PAPPA: variants seen among roughly 807,000 people sequenced by gnomAD.
The protein encoded by PAPPA is pappalysin 1.
In PAPPA, 60 loss-of-function variants were observed where a neutral mutation model predicts 164.0. The observed-to-expected ratio is 0.37, with a 90% CI of 0.30 to 0.45. The LOEUF (loss-of-function observed/expected upper bound fraction) is 0.45, where lower values mean the gene tolerates loss of function less well. Among genes scored for constraint, PAPPA ranks in the 20% least tolerant of loss-of-function variants. The pLI, the probability that PAPPA is intolerant of heterozygous loss-of-function variation, is 1.00. For synonymous variants in PAPPA, 875 were observed against 814.1 expected, an observed-to-expected ratio of 1.07 and a Z score of -1.27; for missense variants, 1,782 against 2,087.3, an observed-to-expected ratio of 0.85 and a Z score of 2.85.
rs577610562 is a variant in PAPPA at position 116,283,230 on chromosome 9, T to C, written c.2953+11814T>C. Reference sequence around the variant, plus strand: ...AGGGTTAAGCAGCAGAAACCTTTGTTAGAGGGCTGCAGAAGACAGTGGTCA... The same window carrying C: ...AGGGTTAAGCAGCAGAAACCTTTGTCAGAGGGCTGCAGAAGACAGTGGTCA... On this transcript the variant is annotated intron_variant, in intron 9 of 21. Coordinates refer to ENST00000328252, the MANE Select transcript of PAPPA (RefSeq NM_002581.5). Among the ~76,000 whole-genome samples, 4 of 152,246 alleles carry C rather than the reference T, an allele frequency of 2.6e-5. No individual in the cohort carries two copies. The East Asian group carries it at 7.7e-4, about 29-fold the overall frequency.
At chr9:116,361,521 G>A (rs928338147) in intron 17 of PAPPA, among the ~76,000 whole-genome samples, 2 of 152,100 alleles carry the variant, frequency 1.3e-5, no homozygotes, top group African/African-American at 4.8e-5. Flanking sequence ...ATTTGCACAC[G>A]CCCTTCCATC....
At position 116,237,773 on chromosome 9, in the gene PAPPA, G is replaced by A. The variant is rs1025995424; in HGVS notation, c.2732+2136G>A. Among the ~76,000 whole-genome samples the A allele has an allele frequency of 1.3e-4, 19 of 151,478 alleles. 3 individuals carry two copies. Among genetic ancestry groups the A allele is most frequent in the Admixed American group, 1.2e-3 (18 of 15,208 alleles). On this transcript the variant is annotated intron_variant, in intron 7 of 21. Coordinates refer to ENST00000328252, the MANE Select transcript of PAPPA (RefSeq NM_002581.5). ...CTTGCACTCTTGCCCAGGTTGGAGTGCAGTGGTGTGATCTTGGCTCGCTGC... is the reference window on the plus strand; with the variant it reads ...CTTGCACTCTTGCCCAGGTTGGAGTACAGTGGTGTGATCTTGGCTCGCTGC...
chr9:116,159,216 A>G (rs1843636688), intron 1 of PAPPA, among the ~76,000 whole-genome samples: 1 of 152,242 alleles, frequency 6.6e-6, no homozygotes, highest in South Asian at 2.1e-4. Flanking sequence ...ACTTATCTGT[A>G]AAGTGGGCAT....
At chr9:116,348,183 C>A (rs1846236151) in intron 15 of PAPPA, among the ~76,000 whole-genome samples, 1 of 151,796 alleles carries the variant, frequency 6.6e-6, no homozygotes, top group Non-Finnish European at 1.5e-5. Flanking sequence ...CTCTCTATTT[C>A]CATATTGATC....
At chr9:116,345,975 C>A (rs763455666) in intron 14 of PAPPA, among the ~76,000 whole-genome samples, 35 of 152,148 alleles carry the variant, frequency 2.3e-4, no homozygotes, top group Non-Finnish European at 4.4e-4. Flanking sequence ...CTGGGAATGC[C>A]TATTTGTACA....
intron 1 of PAPPA, among the ~76,000 whole-genome samples, chr9:116,162,268 A>G (rs1843677272): frequency 6.6e-6 from 1 of 152,192 alleles, no homozygotes; most frequent in African/African-American, 2.4e-5. Context: ...CCTGTTTATG[A>G]GAATTTCATG....
chr9:116,337,195 G>A (rs1846072133), intron 13 of PAPPA, among the ~76,000 whole-genome samples: 1 of 152,132 alleles, frequency 6.6e-6, no homozygotes, highest in Non-Finnish European at 1.5e-5. Context: ...CTCTGAGTAA[G>A]GGGATGGAGC....
intron 9 of PAPPA, among the ~76,000 whole-genome samples, chr9:116,289,853 T>C (rs1285737238): frequency 6.6e-6 from 1 of 152,206 alleles, no homozygotes; most frequent in African/African-American, 2.4e-5. Context: ...GATCATGCTA[T>C]GAAGGGAATA....
chr9:116,346,373 C>T (rs888279273), intron 14 of PAPPA, among the ~76,000 whole-genome samples: 4 of 152,020 alleles, frequency 2.6e-5, no homozygotes, highest in East Asian at 1.9e-4. Context: ...ACTATTGAGC[C>T]GCCAAATCTG....
At chr9:116,319,649 T>C (rs932651474) in intron 10 of PAPPA, among the ~76,000 whole-genome samples, 7 of 152,174 alleles carry the variant, frequency 4.6e-5, no homozygotes, top group Non-Finnish European at 8.8e-5. Flanking sequence ...CTCATTAAGA[T>C]CAGCATGTAC....
intron 2 of PAPPA, among the ~76,000 whole-genome samples, chr9:116,199,934 C>T (rs769478951): frequency 1.3e-5 from 2 of 152,018 alleles, no homozygotes; most frequent in Non-Finnish European, 2.9e-5. Context: ...CGACTCTCAC[C>T]GGAATTAGTA....
intron 8 of PAPPA, among the ~76,000 whole-genome samples, chr9:116,269,467 A>G (rs1464277346): frequency 6.6e-6 from 1 of 152,174 alleles, no homozygotes; most frequent in African/African-American, 2.4e-5. Context: ...TTCCTTTGGC[A>G]AATTACAGCC....
intron 17 of PAPPA, among the ~76,000 whole-genome samples, chr9:116,357,417 G>T (rs752335524): frequency 4.1e-4 from 62 of 152,152 alleles, no homozygotes; most frequent in Non-Finnish European, 8.1e-4. Flanking sequence ...TGTCAAATGT[G>T]TGCCAAGCTG....
At chr9:116,341,168 G>A (rs1846132410) in intron 13 of PAPPA, among the ~76,000 whole-genome samples, 1 of 152,006 alleles carries the variant, frequency 6.6e-6, no homozygotes, top group Non-Finnish European at 1.5e-5. Flanking sequence ...AGCCTCCCAA[G>A]TAGCTGGGAT....
chr9:116,199,493 C>T (rs1348975899), intron 2 of PAPPA, among the ~76,000 whole-genome samples: 1 of 152,102 alleles, frequency 6.6e-6, no homozygotes, highest in Non-Finnish European at 1.5e-5. Flanking sequence ...GAGACACTGC[C>T]AATGCCTCCT....
chr9:116,390,603 G>A (rs1846877148), intron 21 of PAPPA, among the ~76,000 whole-genome samples: 1 of 152,114 alleles, frequency 6.6e-6, no homozygotes, highest in African/African-American at 2.4e-5. Flanking sequence ...GGATTAGTAA[G>A]AGACAACAAG....
At chr9:116,228,103 A>G (rs1041090654) in intron 6 of PAPPA, among the ~76,000 whole-genome samples, 1 of 152,198 alleles carries the variant, frequency 6.6e-6, no homozygotes, top group East Asian at 1.9e-4. Context: ...GGTTCCACCC[A>G]CTATCAGACT....
At position 116,154,463 on chromosome 9, in the gene PAPPA, C is replaced by G; in HGVS notation, c.291C>G (p.Leu97=). 1.2e-5 allele frequency: 16 copies of G among 1,292,332 alleles called. No individual in the cohort carries two copies. Among genetic ancestry groups the G allele is most frequent in the Non-Finnish European group, 1.6e-5 (16 of 1,020,502 alleles). The allele number at this position is 1,292,332 out of a possible 1,614,324, so 80.1% of individuals were successfully genotyped here. A position where few individuals can be genotyped will look rare whatever the true frequency, so the allele number is the denominator to read the frequency against. Residue 97 remains leucine (L), a synonymous_variant, in exon 1 of 22, where the codon CTC becomes CTG. Coordinates refer to ENST00000328252, the MANE Select transcript of PAPPA (RefSeq NM_002581.5). This position sits in a 1 kb window ranked among gnomAD's most constrained non-coding sequence, Gnocchi z 5.2. ...TEEPSPPSRA[L]YFSGRGEQLR... is the part of the protein sequence containing the mutation. ...AGCCGAGCCCGCCGAGCCGGGCGCTCTATTTCAGCGGGCGAGGCGAGCAGC... is the reference window on the plus strand; with the variant it reads ...AGCCGAGCCCGCCGAGCCGGGCGCTGTATTTCAGCGGGCGAGGCGAGCAGC...
chr9:116,293,595 G>A (rs1254063876), intron 9 of PAPPA, among the ~76,000 whole-genome samples: 2 of 152,208 alleles, frequency 1.3e-5, no homozygotes, highest in Non-Finnish European at 2.9e-5. Flanking sequence ...TAGGAAAGTT[G>A]GAGCTAGATT....
Sources: gnomAD v4.1 joint callset for allele counts (sites outside exome capture counted in the v4.1 genomes callset) on GRCh38, gnomAD v4.1.1 for gene constraint, Gnocchi (gnomAD v3.1) non-coding constraint, MANE v1.5 for transcripts, NCBI Gene and HGNC (gene_info 2026-07-23, HGNC 2026-07-21) for gene names.